Variants in PRKCE observed in about 807,000 individuals in gnomAD.
The protein encoded by PRKCE is protein kinase C epsilon, also known as protein kinase C epsilon type.
Under a neutral mutation model 85.4 loss-of-function variants are expected in PRKCE, and 16 were observed. The ratio of observed to expected loss-of-function variants is 0.19; its 90% CI spans 0.13 to 0.28. The LOEUF (loss-of-function observed/expected upper bound fraction) is 0.28. Ranked by LOEUF, PRKCE falls within the 10% of genes least tolerant of loss-of-function variation. PRKCE has a pLI of 1.00. For missense variants in PRKCE, 573 were observed against 975.2 expected, an observed-to-expected ratio of 0.59 and a Z score of 5.49; for synonymous variants, 388 against 371.5, an observed-to-expected ratio of 1.04 and a Z score of -0.51.
chr2:45,866,858 G>T (rs546967219), intron 2 of PRKCE, among the ~76,000 whole-genome samples: 1 of 152,324 alleles, frequency 6.6e-6, no homozygotes, highest in Admixed American at 6.5e-5. Context: ...GCCAGCACTG[G>T]CACATGAAAT....
chr2:45,660,555 T>C (rs1431314335), intron 1 of PRKCE, among the ~76,000 whole-genome samples: 1 of 152,188 alleles, frequency 6.6e-6, no homozygotes, highest in Non-Finnish European at 1.5e-5. Flanking sequence ...CCCTTTGTAG[T>C]TGGCAGCAAC....
chr2:45,751,809 ATTTTTTTTTTTTT>A lies in PRKCE; in HGVS notation c.349-91177_349-91165del, dbSNP rs34589907. ...ACTCCAGCCTCCAAAGCTAACCACT[ATTTTTTTTTTTTT>A]TTTTTTTTTTTTTGAGACGGAGGCT... On this transcript the variant is annotated intron_variant, in intron 1 of 14. Coordinates refer to ENST00000306156, the MANE Select transcript of PRKCE (RefSeq NM_005400.3). 7.6e-5 allele frequency among the ~76,000 whole-genome samples: 6 copies of A among 78,506 alleles called. 1 individual carries two copies. The highest frequency in any genetic ancestry group is 4.8e-4 in the South Asian group (1 of 2,070). The allele number at this position is 78,506 out of a possible 152,430, so 51.5% of individuals were successfully genotyped here.
At chr2:45,801,470 G>A (rs1050857390) in intron 1 of PRKCE, among the ~76,000 whole-genome samples, 2 of 151,438 alleles carry the variant, frequency 1.3e-5, no homozygotes, top group Non-Finnish European at 2.9e-5. Flanking sequence ...GGAGAAGGGG[G>A]TAAATCCCAC....
chr2:45,912,819 G>A (rs1697478868), intron 2 of PRKCE, among the ~76,000 whole-genome samples: 1 of 152,116 alleles, frequency 6.6e-6, no homozygotes. Flanking sequence ...AGGGTCTGGG[G>A]CCACATGTAC....
intron 11 of PRKCE, among the ~76,000 whole-genome samples, chr2:46,115,864 C>A (rs3768752): frequency 0.71 from 107,622 of 152,070 alleles, 39,321 homozygotes; most frequent in East Asian, 0.95. Context: ...CTTCTGTTTT[C>A]TCTTTGTATA....
chr2:45,828,450 G>A (rs1386787747), intron 1 of PRKCE, among the ~76,000 whole-genome samples: 1 of 152,142 alleles, frequency 6.6e-6, no homozygotes, highest in Non-Finnish European at 1.5e-5. Flanking sequence ...TCCTTAATAT[G>A]TTCAAACTGT....
chr2:45,810,601 G>A (rs961548740), intron 1 of PRKCE, among the ~76,000 whole-genome samples: 6 of 151,878 alleles, frequency 4.0e-5, no homozygotes, highest in African/African-American at 1.5e-4. Context: ...ATGTTTTGGG[G>A]AGGACAGGGT....
intron 1 of PRKCE, among the ~76,000 whole-genome samples, chr2:45,717,044 GATGA>G (rs1680185625): frequency 2.5e-4 from 1 of 3,962 alleles, no homozygotes; most frequent in South Asian, 7.4e-3. Context: ...GGTACTACAA[GATGA>G]GATGAGATTT....
chr2:45,723,722 A>G (rs1680818727), intron 1 of PRKCE, among the ~76,000 whole-genome samples: 1 of 152,104 alleles, frequency 6.6e-6, no homozygotes, highest in Non-Finnish European at 1.5e-5. Context: ...CTCCTGCCTC[A>G]GCGTCCTGAA....
rs1281780128 is a variant in PRKCE at position 45,786,784 on chromosome 2, G to A, written c.349-56216G>A. 6.6e-6 allele frequency among the ~76,000 whole-genome samples: 1 copy of A among 152,194 alleles called. No individual in the cohort carries two copies. On this transcript the variant is annotated intron_variant, in intron 1 of 14. Transcript: ENST00000306156. This position sits in a 1 kb window ranked among gnomAD's most constrained non-coding sequence, Gnocchi z 5.3. ...ACCTAATCCTCCAACAGTTCAGTGA[G>A]GTAACCACTACCCTCACCCCCGTTT...
At chr2:46,029,765 G>C (rs1446267567) in intron 10 of PRKCE, among the ~76,000 whole-genome samples, 2 of 150,778 alleles carry the variant, frequency 1.3e-5, no homozygotes, top group African/African-American at 2.5e-5. Flanking sequence ...ACATCATCCT[G>C]TACAGAGGGA....
rs371642388 is a variant in PRKCE, at chr2:46,081,026, G to A, written c.1438-5182G>A. 8.4e-4 allele frequency among the ~76,000 whole-genome samples: 128 copies of A among 151,794 alleles called. 2 individuals are homozygous for A. Among genetic ancestry groups the A allele is most frequent in the African/African-American group, 2.7e-3 (110 of 41,276 alleles). ...ACATTTTTAGAGGCAGGGTTTCACC[G>A]TGTTGCCCAGGCTGGAGCACAGTGG... On this transcript the variant is annotated intron_variant, in intron 10 of 14. Coordinates refer to ENST00000306156, the MANE Select transcript of PRKCE (RefSeq NM_005400.3).
At chr2:46,052,701 C>T (rs573673857) in intron 10 of PRKCE, among the ~76,000 whole-genome samples, 12 of 152,184 alleles carry the variant, frequency 7.9e-5, no homozygotes, top group Non-Finnish European at 1.6e-4. Flanking sequence ...AGAGCCAATG[C>T]AACCTTGAAA....
At chr2:45,983,178 C>A (rs1462322126) in intron 5 of PRKCE, among the ~76,000 whole-genome samples, 1 of 152,178 alleles carries the variant, frequency 6.6e-6, no homozygotes, top group African/African-American at 2.4e-5. Context: ...AATCTTGGTC[C>A]AATGGAAGGA....
intron 10 of PRKCE, among the ~76,000 whole-genome samples, chr2:46,054,416 C>T (rs1666363984): frequency 6.6e-6 from 1 of 152,178 alleles, no homozygotes; most frequent in South Asian, 2.1e-4. Flanking sequence ...TCTCTTGACA[C>T]CTCTACTATT....
intron 1 of PRKCE, among the ~76,000 whole-genome samples, chr2:45,800,629 A>C (rs1298112374): frequency 6.6e-6 from 1 of 152,236 alleles, no homozygotes; most frequent in Non-Finnish European, 1.5e-5. Context: ...TCTTGGCAGA[A>C]CTGGGCTGCT....
Position 46,062,954 on chromosome 2 carries a change from A to G in PRKCE, c.1438-23254A>G, listed in dbSNP as rs1282917969. Among the ~76,000 whole-genome samples the G allele has an allele frequency of 2.0e-5, 3 of 152,234 alleles. No homozygotes were observed. The East Asian group carries it at 5.8e-4, about 29-fold the overall frequency. Reference sequence around the variant, plus strand: ...TCAGCTTATTAATGTAGGTTTTCCTACACTTAAATCAATTACATACAAATC... The same window carrying G: ...TCAGCTTATTAATGTAGGTTTTCCTGCACTTAAATCAATTACATACAAATC... On this transcript the variant is annotated intron_variant, in intron 10 of 14. Coordinates refer to ENST00000306156, the MANE Select transcript of PRKCE (RefSeq NM_005400.3).
At chr2:45,723,883 G>A (rs1229425889) in intron 1 of PRKCE, among the ~76,000 whole-genome samples, 2 of 152,156 alleles carry the variant, frequency 1.3e-5, no homozygotes, top group East Asian at 3.9e-4. Context: ...GATTACAAAG[G>A]TGAGCCACTG....
At chr2:45,818,820 C>T (rs935672) in intron 1 of PRKCE, among the ~76,000 whole-genome samples, 80,738 of 152,024 alleles carry the variant, frequency 0.53, 23,512 homozygotes, top group African/African-American at 0.77. Context: ...TGGATAATGA[C>T]GAAAACCTAT....
Sources: allele counts gnomAD v4.1 joint callset (sites outside exome capture counted in the v4.1 genomes callset), GRCh38; gene constraint gnomAD v4.1.1; non-coding constraint Gnocchi (gnomAD v3.1); transcripts MANE v1.5; gene names NCBI Gene and HGNC (gene_info 2026-07-23, HGNC 2026-07-21).